SPP2: variants seen among roughly 807,000 people sequenced by gnomAD.
SPP2 encodes the protein secreted phosphoprotein 2, also known as secreted phosphoprotein 24.
In SPP2, 34 loss-of-function variants were observed where a neutral mutation model predicts 28.8. The ratio of observed to expected loss-of-function variants is 1.18; its 90% CI spans 0.90 to 1.57. The LOEUF is 1.57. Ranked by LOEUF, SPP2 falls within the 40% of genes most tolerant of loss-of-function variation. The probability of loss-of-function intolerance (pLI) is 0.00; values close to 1 mark genes in which losing one functional copy is unlikely to be tolerated. For synonymous variants in SPP2, 96 were observed against 89.4 expected (o/e 1.07, Z -0.42); for missense variants, 269 against 263.9 (o/e 1.02, Z -0.13).
At chr2:234,055,456 C>T (rs576139886) in intron 2 of SPP2, among the ~76,000 whole-genome samples, 1 of 152,310 alleles carries the variant, frequency 6.6e-6, no homozygotes, top group Admixed American at 6.5e-5. Flanking sequence ...AATAGCTTCA[C>T]AGAAACATTC....
At chr2:234,065,349 G>A (rs1182729433) in intron 4 of SPP2, among the ~76,000 whole-genome samples, 1 of 152,030 alleles carries the variant, frequency 6.6e-6, no homozygotes, top group Non-Finnish European at 1.5e-5. Flanking sequence ...GCACAATCTC[G>A]GCTCACTATA....
chr2:234,067,540 G>A (rs1442657559), intron 6 of SPP2, among the ~76,000 whole-genome samples: 3 of 152,094 alleles, frequency 2.0e-5, no homozygotes, highest in African/African-American at 7.2e-5. Flanking sequence ...CACTTTGGGA[G>A]GCCGAGGCGG....
chr2:234,070,124 C>A, intron 7 of SPP2, 101 bp downstream of exon 7: 1 of 907,324 alleles, frequency 1.1e-6, no homozygotes. Context: ...ATATGCTATT[C>A]AAATCCTTGC....
chr2:234,066,613 C>T, intron 5 of SPP2, 26 bp downstream of exon 5: 1 of 1,574,624 alleles, frequency 6.4e-7, no homozygotes, highest in South Asian at 1.1e-5. Context: ...TTCTTTTTAA[C>T]TTTTTTTCTT....
intron 7 of SPP2, among the ~76,000 whole-genome samples, chr2:234,072,682 T>A (rs1395128838): frequency 2.0e-5 from 3 of 152,118 alleles, no homozygotes; most frequent in Non-Finnish European, 4.4e-5. Flanking sequence ...CTGTGCTGGG[T>A]TCCCTGAAAT....
intron 4 of SPP2, among the ~76,000 whole-genome samples, chr2:234,063,841 A>C (rs529736645): frequency 6.6e-6 from 1 of 152,326 alleles, no homozygotes; most frequent in East Asian, 1.9e-4. Context: ...GGTTTCCGAC[A>C]CGAGACCCAA....
intron 7 of SPP2, among the ~76,000 whole-genome samples, chr2:234,074,890 A>T (rs536906624): frequency 2.6e-5 from 4 of 151,306 alleles, no homozygotes; most frequent in Non-Finnish European, 2.9e-5. Context: ...TAACACACAC[A>T]TTTTCTCTGT....
At chr2:234,073,617 G>A (rs897296810) in intron 7 of SPP2, among the ~76,000 whole-genome samples, 1 of 152,072 alleles carries the variant, frequency 6.6e-6, no homozygotes, top group Non-Finnish European at 1.5e-5. Flanking sequence ...AGAAAATCAG[G>A]TCCCAACTCT....
chr2:234,052,142 G>A (rs910268497), intron 2 of SPP2, among the ~76,000 whole-genome samples: 7 of 152,030 alleles, frequency 4.6e-5, no homozygotes, highest in African/African-American at 1.5e-4. Context: ...TATGGGCTAT[G>A]CTTTTTTTTA....
chr2:234,062,210 G>A (rs147795271), intron 4 of SPP2, among the ~76,000 whole-genome samples: 57 of 152,320 alleles, frequency 3.7e-4, no homozygotes, highest in Non-Finnish European at 8.1e-4. Flanking sequence ...GGCACTGGGG[G>A]CCACATAGTG....
At chr2:234,075,548 G>T (rs1690879150) in intron 7 of SPP2, among the ~76,000 whole-genome samples, 1 of 152,064 alleles carries the variant, frequency 6.6e-6, no homozygotes, top group Admixed American at 6.6e-5. Flanking sequence ...TCTGAGATTT[G>T]GTCCCCTCTC....
rs758307599 is a variant in SPP2 at position 234,067,253 on chromosome 2, CAATTTT to C, written c.531_536del (p.Gln177_Tyr179delinsHis). 4.5e-5 allele frequency: 72 copies of C among 1,613,896 alleles called. No individual in the cohort carries two copies. Among genetic ancestry groups the C allele is most frequent in the Non-Finnish European group, 6.1e-5 (72 of 1,179,968 alleles). On this transcript the variant is annotated inframe_deletion, in exon 6 of 8. Coordinates refer to ENST00000168148, the MANE Select transcript of SPP2 (RefSeq NM_006944.3). ...CATTTCAGACGAGTCCATAAGTGAA[CAATTTT>C]ATGATCGGTCACTTGGTAAGTGATT...
At chr2:234,063,516 A>G (rs1013097416) in intron 4 of SPP2, among the ~76,000 whole-genome samples, 3 of 152,234 alleles carry the variant, frequency 2.0e-5, no homozygotes, top group African/African-American at 7.2e-5. Flanking sequence ...TAAAAAATTG[A>G]GAAAATAAAT....
chr2:234,051,976 A>G (rs1693507093), intron 2 of SPP2, among the ~76,000 whole-genome samples: 1 of 152,218 alleles, frequency 6.6e-6, no homozygotes, highest in South Asian at 2.1e-4. Flanking sequence ...TGTAGAGCAC[A>G]TGGCTCATGA....
intron 4 of SPP2, 57 bp from the exon 5 acceptor site, chr2:234,066,476 T>C: frequency 7.1e-7 from 1 of 1,416,552 alleles, no homozygotes; most frequent in Non-Finnish European, 9.9e-7. Context: ...TTTTTCAGTG[T>C]CTTTCCTTTT....
chr2:234,066,703 T>C (rs1435936358), intron 5 of SPP2, 116 bp downstream of exon 5: 1 of 778,320 alleles, frequency 1.3e-6, no homozygotes, highest in African/African-American at 1.8e-5. Context: ...TTGCAACAAT[T>C]ACAGCCATAG....
chr2:234,073,180 G>A (rs945433404), intron 7 of SPP2, among the ~76,000 whole-genome samples: 4 of 152,178 alleles, frequency 2.6e-5, no homozygotes, highest in Non-Finnish European at 4.4e-5. Flanking sequence ...GAGCCACCAC[G>A]CCTGGCCGAC....
intron 4 of SPP2, among the ~76,000 whole-genome samples, chr2:234,064,433 A>G (rs1049086406): frequency 1.3e-5 from 2 of 152,146 alleles, no homozygotes; most frequent in African/African-American, 4.8e-5. Flanking sequence ...TATTCCCTCT[A>G]TTGGCCTGGC....
chr2:234,073,041 C>G (rs1224240073), intron 7 of SPP2, among the ~76,000 whole-genome samples: 1 of 152,098 alleles, frequency 6.6e-6, no homozygotes, highest in Admixed American at 6.5e-5. Context: ...GTGCCCACCA[C>G]CACGCCCAGC....
Sources: allele counts gnomAD v4.1 joint callset (sites outside exome capture counted in the v4.1 genomes callset), GRCh38; gene constraint gnomAD v4.1.1; transcripts MANE v1.5; gene names NCBI Gene and HGNC (gene_info 2026-07-23, HGNC 2026-07-21).